SPATA21: variants seen among roughly 807,000 people sequenced by gnomAD.
SPATA21 encodes spermatogenesis associated 21.
Under a neutral mutation model 54.8 loss-of-function variants are expected in SPATA21, and 47 were observed. The ratio of observed to expected loss-of-function variants is 0.86; its 90% confidence interval spans 0.68 to 1.09. SPATA21 has a LOEUF of 1.09. SPATA21 is among the 50% of genes least tolerant of loss of function. SPATA21 has a pLI of 0.00. For missense variants in SPATA21, 599 were observed against 596.4 expected, an observed-to-expected ratio of 1.00 and a Z score of -0.05; for synonymous variants, 245 against 235.3, an observed-to-expected ratio of 1.04 and a Z score of -0.38.
intron 3 of SPATA21, among the ~76,000 whole-genome samples, chr1:16,424,280 T>A: frequency 1.6e-5 from 2 of 124,238 alleles, no homozygotes; most frequent in African/African-American, 3.1e-5. Flanking sequence ...GCCACTGCAC[T>A]CCAGCCTGGG....
chr1:16,423,169 A>AT (rs2086218548), intron 3 of SPATA21, among the ~76,000 whole-genome samples: 2 of 147,976 alleles, frequency 1.4e-5, no homozygotes, highest in Non-Finnish European at 3.0e-5. Context: ...GAAAAAAAAT[A>AT]ATAAAGGCCT....
chr1:16,403,179 G>GTCT (rs1394624440), intron 10 of SPATA21, among the ~76,000 whole-genome samples: 1 of 152,140 alleles, frequency 6.6e-6, no homozygotes, highest in African/African-American at 2.4e-5. Context: ...AGGCTTTTGT[G>GTCT]TCTTCTGACC....
At chr1:16,435,780 C>T (rs1001995859) in intron 1 of SPATA21, among the ~76,000 whole-genome samples, 2 of 152,234 alleles carry the variant, frequency 1.3e-5, no homozygotes, top group South Asian at 4.1e-4. Context: ...AGCACCCAGC[C>T]TGCCTCTGTC....
At chr1:16,400,573 T>C in intron 11 of SPATA21, 147 bp downstream of exon 11, 1 of 1,466,376 alleles carries the variant, frequency 6.8e-7, no homozygotes, top group Non-Finnish European at 9.0e-7. Context: ...CAGCCTGTTT[T>C]CTGATGTACA....
Position 16,428,243 on chromosome 1 carries a change from G to A in SPATA21, c.34+3095C>T, listed in dbSNP as rs1449621488. Among the ~76,000 whole-genome samples the A allele has an allele frequency of 6.6e-6, 1 of 152,192 alleles. No homozygotes were observed. The highest frequency in any genetic ancestry group is 1.5e-5 in the Non-Finnish European group (1 of 68,042). On this transcript the variant is annotated intron_variant, in intron 3 of 12. Coordinates refer to ENST00000335496, the MANE Select transcript of SPATA21 (RefSeq NM_198546.1). This position sits in a 1 kb window ranked among gnomAD's most constrained non-coding sequence, Gnocchi z 4.3. The stretch of plus-strand genomic sequence containing the variant: ...AGCACGTAAGGCTCTGGTATGAACT[G>A]GAGTCCAGATTAGTACCCGAGACAA...
chr1:16,407,413 C>T (rs954281309), intron 7 of SPATA21, among the ~76,000 whole-genome samples: 1 of 152,066 alleles, frequency 6.6e-6, no homozygotes, highest in Non-Finnish European at 1.5e-5. Context: ...GGGAGAGCTG[C>T]ACTTAGGAAG....
chr1:16,406,854 C>A (rs185772455), intron 7 of SPATA21, among the ~76,000 whole-genome samples: 1 of 152,310 alleles, frequency 6.6e-6, no homozygotes, highest in Non-Finnish European at 1.5e-5. Flanking sequence ...TGTCTGCAGG[C>A]CAAGCAGGGA....
intron 10 of SPATA21, among the ~76,000 whole-genome samples, chr1:16,403,198 G>A (rs1439409291): frequency 1.3e-5 from 2 of 152,114 alleles, no homozygotes; most frequent in Admixed American, 6.5e-5. Flanking sequence ...CCCAGATAGG[G>A]TCCATCGAAT....
rs2085759029 is a variant in SPATA21, at chr1:16,409,486, G to C, written c.587+115C>G. On this transcript the variant is annotated intron_variant, in intron 6 of 12. Transcript: ENST00000335496. The surrounding 1 kb of genome is among the most constrained non-coding windows in gnomAD (Gnocchi z 4.1). ...GAGGAGACACATGAGGAGAAATGGA[G>C]AGAGGGGGACACACGAGGGAACAGG... 9.0e-7 allele frequency: 1 copy of C among 1,115,172 alleles called. No individual in the cohort carries two copies. The allele number at this position is 1,115,172 out of a possible 1,614,324, so 69.1% of individuals were successfully genotyped here. A position where few individuals can be genotyped will look rare whatever the true frequency, so the allele number is the denominator to read the frequency against.
At position 16,425,819 on chromosome 1, in the gene SPATA21, C is replaced by A. The variant is rs1196298954; in HGVS notation, c.35-3848G>T. ...TACAGGGCTAGGCATACCATAGGTG[C>A]ATAGCTAACGCCTGGAAGGACCAAT... On this transcript the variant is annotated intron_variant, in intron 3 of 12. Transcript: ENST00000335496. The A allele has an allele frequency of 2.6e-6, 3 of 1,163,984 alleles. No individual in the cohort carries two copies. The African/African-American group carries it at 4.6e-5, about 18-fold the overall frequency. The allele number at this position is 1,163,984 out of a possible 1,614,324, so 72.1% of individuals were successfully genotyped here. A position where few individuals can be genotyped will look rare whatever the true frequency, so the allele number is the denominator to read the frequency against.
chr1:16,400,301 G>A (rs1363165314), intron 11 of SPATA21, among the ~76,000 whole-genome samples: 1 of 152,206 alleles, frequency 6.6e-6, no homozygotes, highest in Non-Finnish European at 1.5e-5. Flanking sequence ...ACAGATGTGA[G>A]CCACTGTGCC....
At chr1:16,425,245 TG>T (rs1352202103) in intron 3 of SPATA21, 3 of 600,882 alleles carry the variant, frequency 5.0e-6, no homozygotes, top group African/African-American at 1.8e-5. Context: ...TGATGTAGGC[TG>T]GGGGAATAGC....
At chr1:16,410,434 G>A (rs2085807201) in intron 5 of SPATA21, among the ~76,000 whole-genome samples, 1 of 147,532 alleles carries the variant, frequency 6.8e-6, no homozygotes, top group African/African-American at 2.5e-5. Context: ...TTTTTGAGAC[G>A]AAGCCTTGCT....
chr1:16,409,864 C>A lies in SPATA21; in HGVS notation c.324G>T (p.Gln108His). The change falls in exon 6 of 13, where the codon CAG (glutamine) becomes CAT (histidine). Residue 108 changes from glutamine (Q) to histidine (H), a missense_variant. By Grantham distance (24) the Gln-to-His change is conservative (BLOSUM62 0). Transcript: ENST00000335496. This position sits in a 1 kb window ranked among gnomAD's most constrained non-coding sequence, Gnocchi z 4.1. ...SHRRASKARS[Q>H]TAQKSPRTLT... Reference sequence around the variant, plus strand: ...GGGTCCTGGGCGACTTCTGGGCTGTCTGGGACCGGGCCTTCGAGGCTCTCC... The same window carrying A: ...GGGTCCTGGGCGACTTCTGGGCTGTATGGGACCGGGCCTTCGAGGCTCTCC... The A allele has an allele frequency of 6.2e-7, 1 of 1,610,392 alleles. No homozygotes were observed. The highest frequency in any genetic ancestry group is 8.5e-7 in the Non-Finnish European group (1 of 1,178,224).
In SPATA21 at chr1:16,425,643, A is replaced by T; in HGVS notation, c.35-3672T>A. 3.9e-6 allele frequency: 6 copies of T among 1,550,308 alleles called. No homozygotes were observed. In the South Asian group the frequency reaches 7.1e-5, roughly 18 times the overall value. On this transcript the variant is annotated intron_variant, in intron 3 of 12. Transcript: ENST00000335496. ...AGCCCTTCAGGTACTTCAGGAACCCAGGAAGGCAGCAACCCCAGCTCACTC... is the reference window on the plus strand; with the variant it reads ...AGCCCTTCAGGTACTTCAGGAACCCTGGAAGGCAGCAACCCCAGCTCACTC...
intron 10 of SPATA21, among the ~76,000 whole-genome samples, chr1:16,402,161 A>C (rs1251394646): frequency 1.3e-5 from 2 of 150,836 alleles, no homozygotes; most frequent in African/African-American, 4.9e-5. Flanking sequence ...TCGGGGAGTT[A>C]AGCACCTGTG....
rs753436745 is a variant in SPATA21, at chr1:16,428,764, C to T, written c.34+2574G>A. ...ACTGAGACCCCGCTCCAAGCATCACCGGAGTCAGCAAACTCCAAACAAATG... is the reference window on the plus strand; with the variant it reads ...ACTGAGACCCCGCTCCAAGCATCACTGGAGTCAGCAAACTCCAAACAAATG... On this transcript the variant is annotated intron_variant, in intron 3 of 12. Transcript: ENST00000335496. This position sits in a 1 kb window ranked among gnomAD's most constrained non-coding sequence, Gnocchi z 4.3. Among the ~76,000 whole-genome samples the T allele has an allele frequency of 2.6e-5, 4 of 152,120 alleles. No homozygotes were observed. Among genetic ancestry groups the T allele is most frequent in the African/African-American group, 4.8e-5 (2 of 41,426 alleles).
intron 3 of SPATA21, among the ~76,000 whole-genome samples, chr1:16,422,508 T>G (rs1412047566): frequency 1.0e-5 from 1 of 98,522 alleles, no homozygotes; most frequent in African/African-American, 3.9e-5. Context: ...TGTGTGTGTG[T>G]ATTTTTTTTT....
chr1:16,399,885 TAATA>T (rs1570075085), intron 11 of SPATA21, among the ~76,000 whole-genome samples: 1 of 152,156 alleles, frequency 6.6e-6, no homozygotes, highest in East Asian at 1.9e-4. Context: ...AGTAGGAGTC[TAATA>T]AATGGTACCT....
Sources: allele counts gnomAD v4.1 joint callset (sites outside exome capture counted in the v4.1 genomes callset), GRCh38; gene constraint gnomAD v4.1.1; non-coding constraint Gnocchi (gnomAD v3.1); transcripts MANE v1.5; gene names NCBI Gene and HGNC (gene_info 2026-07-23, HGNC 2026-07-21).